Variants in CDH12 observed in about 807,000 individuals in gnomAD.
CDH12 encodes cadherin 12.
In CDH12, 41 loss-of-function variants were observed where a neutral mutation model predicts 74.1. The observed-to-expected ratio is 0.55, with a 90% CI of 0.43 to 0.72. The LOEUF (loss-of-function observed/expected upper bound fraction) is 0.72. CDH12 is among the 30% of genes least tolerant of loss of function. CDH12 has a pLI of 0.00. For synonymous variants in CDH12, 399 were observed against 355.0 expected, an observed-to-expected ratio of 1.12 and a Z score of -1.39; for missense variants, 945 against 977.2, an observed-to-expected ratio of 0.97 and a Z score of 0.44.
chr5:22,674,802 G>A (rs967148487), intron 1 of CDH12, among the ~76,000 whole-genome samples: 2 of 152,116 alleles, frequency 1.3e-5, no homozygotes, highest in African/African-American at 2.4e-5. Context: ...CAGACTGGTA[G>A]CATTTTGCCC....
chr5:21,972,308 A>G (rs760321367), intron 6 of CDH12, among the ~76,000 whole-genome samples: 66 of 152,170 alleles, frequency 4.3e-4, no homozygotes, highest in Non-Finnish European at 7.2e-4. Flanking sequence ...CAGAAAAGTT[A>G]TTTCATAGGG....
intron 1 of CDH12, among the ~76,000 whole-genome samples, chr5:22,741,887 T>C (rs1002015068): frequency 2.0e-5 from 3 of 152,102 alleles, no homozygotes; most frequent in African/African-American, 7.2e-5. Context: ...TTTAGAAAGC[T>C]TAAGAACAAC....
chr5:22,356,388 T>C (rs1561339834), intron 3 of CDH12, among the ~76,000 whole-genome samples: 1 of 152,182 alleles, frequency 6.6e-6, no homozygotes. Flanking sequence ...CATTTGAAAA[T>C]GTGTTAATCA....
At chr5:21,945,348 C>T (rs1580000068) in intron 6 of CDH12, among the ~76,000 whole-genome samples, 2 of 143,628 alleles carry the variant, frequency 1.4e-5, no homozygotes, top group Admixed American at 7.3e-5. Context: ...ATCACTTGAA[C>T]CTGGGAGATG....
chr5:22,379,149 G>C (rs931171626), intron 3 of CDH12, among the ~76,000 whole-genome samples: 1 of 151,998 alleles, frequency 6.6e-6, no homozygotes, highest in Non-Finnish European at 1.5e-5. Context: ...TACAGTCCTG[G>C]GAAAATATAT....
Position 22,751,586 on chromosome 5 carries a change from T to C in CDH12, c.-523+101472A>G, listed in dbSNP as rs151209073. 4.6e-3 allele frequency among the ~76,000 whole-genome samples: 694 copies of C among 152,198 alleles called. 3 individuals carry two copies. Among genetic ancestry groups the C allele is most frequent in the African/African-American group, 0.016 (668 of 41,548 alleles). On this transcript the variant is annotated intron_variant, in intron 1 of 14. Coordinates refer to ENST00000382254, the MANE Select transcript of CDH12 (RefSeq NM_004061.5). Reference sequence around the variant, plus strand: ...TCATCATTCTTAAAATAGACAACAGTAATAATATAGAACATTAATGTTTCT... The same window carrying C: ...TCATCATTCTTAAAATAGACAACAGCAATAATATAGAACATTAATGTTTCT...
At chr5:22,094,117 G>C (rs1743600995) in intron 4 of CDH12, among the ~76,000 whole-genome samples, 1 of 152,150 alleles carries the variant, frequency 6.6e-6, no homozygotes, top group Admixed American at 6.6e-5. Context: ...GCTGCAGAGG[G>C]AAATCAAGAG....
At chr5:22,094,209 G>C (rs1231551753) in intron 4 of CDH12, among the ~76,000 whole-genome samples, 1 of 152,116 alleles carries the variant, frequency 6.6e-6, no homozygotes, top group Non-Finnish European at 1.5e-5. Context: ...GTGAACATGG[G>C]GGAAAGAGGA....
At chr5:22,666,095 C>T (rs888432929) in intron 1 of CDH12, among the ~76,000 whole-genome samples, 2 of 152,018 alleles carry the variant, frequency 1.3e-5, no homozygotes, top group Admixed American at 1.3e-4. Flanking sequence ...ATCAATCCTG[C>T]CAAACATGTT....
At chr5:22,417,257 C>G (rs1259537418) in intron 2 of CDH12, among the ~76,000 whole-genome samples, 2 of 152,132 alleles carry the variant, frequency 1.3e-5, no homozygotes, top group Non-Finnish European at 2.9e-5. Flanking sequence ...CACTAAAGTT[C>G]AAGTATCTGA....
chr5:22,248,652 C>T (rs1256571728), intron 3 of CDH12, among the ~76,000 whole-genome samples: 2 of 152,090 alleles, frequency 1.3e-5, no homozygotes, highest in East Asian at 3.8e-4. Flanking sequence ...GAACAGAATC[C>T]TTATTTTGAA....
intron 2 of CDH12, among the ~76,000 whole-genome samples, chr5:22,417,181 C>G (rs916990359): frequency 1.3e-5 from 2 of 152,022 alleles, no homozygotes; most frequent in African/African-American, 4.8e-5. Flanking sequence ...AAAAAATAAA[C>G]ATAATAATTT....
chr5:22,147,233 A>G (rs1747245198), intron 4 of CDH12, among the ~76,000 whole-genome samples: 1 of 152,162 alleles, frequency 6.6e-6, no homozygotes, highest in Non-Finnish European at 1.5e-5. Context: ...TTTGATCAAC[A>G]ATGGCCATTT....
intron 3 of CDH12, among the ~76,000 whole-genome samples, chr5:22,229,185 C>G (rs975052047): frequency 6.7e-6 from 1 of 150,044 alleles, no homozygotes; most frequent in East Asian, 2.0e-4. Context: ...GAAATTTCTC[C>G]TTTTTAGTAA....
intron 5 of CDH12, among the ~76,000 whole-genome samples, chr5:22,000,215 G>T (rs1256121643): frequency 6.6e-6 from 1 of 152,074 alleles, no homozygotes; most frequent in Non-Finnish European, 1.5e-5. Context: ...TCTTGCCTTG[G>T]CCTCCCAAAG....
At chr5:22,229,379 C>T (rs1464248738) in intron 3 of CDH12, among the ~76,000 whole-genome samples, 1 of 138,866 alleles carries the variant, frequency 7.2e-6, no homozygotes, top group Non-Finnish European at 1.5e-5. Flanking sequence ...AATGACTAGA[C>T]ATTAAGAATA....
At chr5:22,318,667 T>C (rs13156363) in intron 3 of CDH12, among the ~76,000 whole-genome samples, 53,106 of 152,108 alleles carry the variant, frequency 0.35, 10,729 homozygotes, top group Admixed American at 0.47. Flanking sequence ...AGGGGAGATT[T>C]TCTTCCAGGG....
chr5:22,616,563 A>G (rs1737700515), intron 1 of CDH12, among the ~76,000 whole-genome samples: 1 of 152,134 alleles, frequency 6.6e-6, no homozygotes, highest in Non-Finnish European at 1.5e-5. Flanking sequence ...GGAGGTATTT[A>G]AAAATTAAAT....
chr5:21,882,537 C>G (rs975773538), intron 6 of CDH12: 2 of 1,047,074 alleles, frequency 1.9e-6, no homozygotes, highest in Admixed American at 1.7e-5. Context: ...CCTCACTCGC[C>G]GCCGACAACC....
Sources: allele counts gnomAD v4.1 joint callset (sites outside exome capture counted in the v4.1 genomes callset), GRCh38; gene constraint gnomAD v4.1.1; transcripts MANE v1.5; gene names NCBI Gene and HGNC (gene_info 2026-07-23, HGNC 2026-07-21).